ALK: variants seen among roughly 807,000 people sequenced by gnomAD.
ALK encodes ALK receptor tyrosine kinase, also known as ALK tyrosine kinase receptor.
In ALK, 74 loss-of-function variants were observed where a neutral mutation model predicts 163.1. The ratio of observed to expected loss-of-function variants is 0.45; its 90% confidence interval spans 0.38 to 0.55. The LOEUF (loss-of-function observed/expected upper bound fraction) is 0.55. ALK is among the 20% of genes least tolerant of loss of function. The pLI is 0.00. For synonymous variants in ALK, 960 were observed against 843.2 expected (o/e 1.14, Z -2.40); for missense variants, 2,063 against 2,105.3 (o/e 0.98, Z 0.39).
At chr2:29,917,784 C>G (rs1471658035) in intron 1 of ALK, among the ~76,000 whole-genome samples, 1 of 152,256 alleles carries the variant, frequency 6.6e-6, no homozygotes, top group Non-Finnish European at 1.5e-5. Flanking sequence ...TCCAGTTACA[C>G]TTAGTGTCTT....
intron 1 of ALK, among the ~76,000 whole-genome samples, chr2:29,900,735 C>A (rs186636642): frequency 3.3e-5 from 5 of 152,274 alleles, no homozygotes; most frequent in African/African-American, 1.2e-4. Context: ...AAGGACTTGA[C>A]GCTCTGCTGC....
intron 4 of ALK, among the ~76,000 whole-genome samples, chr2:29,419,984 C>A (rs1023753638): frequency 6.6e-5 from 10 of 150,984 alleles, no homozygotes; most frequent in African/African-American, 2.5e-4. Flanking sequence ...CATGGCAAAA[C>A]CCTGCCTATA....
chr2:29,918,291 C>T (rs1320930070), intron 1 of ALK, among the ~76,000 whole-genome samples: 1 of 152,146 alleles, frequency 6.6e-6, no homozygotes, highest in Non-Finnish European at 1.5e-5. Context: ...TCCACAGATG[C>T]TCAGAGGCAT....
chr2:29,608,334 T>A (rs1675597332), intron 3 of ALK, among the ~76,000 whole-genome samples: 1 of 152,216 alleles, frequency 6.6e-6, no homozygotes, highest in Non-Finnish European at 1.5e-5. Context: ...TTGGCTGCAA[T>A]TCCAGGGCCT....
chr2:29,649,253 C>CGTGT (rs141701874), intron 3 of ALK, among the ~76,000 whole-genome samples: 1 of 138,402 alleles, frequency 7.2e-6, no homozygotes, highest in Admixed American at 7.3e-5. Context: ...AAAGTGCGTG[C>CGTGT]GTGTGTGTGT....
At chr2:29,223,720 A>G (rs2148171736) in intron 19 of ALK, 192 bp from the exon 20 acceptor site, 2 of 613,102 alleles carry the variant, frequency 3.3e-6, no homozygotes, top group South Asian at 2.0e-5. Context: ...GATTTAAAGT[A>G]AATGCAAAGC....
intron 3 of ALK, among the ~76,000 whole-genome samples, chr2:29,585,875 A>G (rs1312179898): frequency 2.0e-5 from 3 of 152,138 alleles, no homozygotes; most frequent in Admixed American, 1.3e-4. Flanking sequence ...ATCCTAAGAT[A>G]CATATGTATC....
chr2:29,278,478 C>T (rs79690018), intron 9 of ALK, among the ~76,000 whole-genome samples: 6,612 of 152,246 alleles, frequency 0.043, 197 homozygotes, highest in Middle Eastern at 0.065. Context: ...TTTCTGCACA[C>T]ATCTCACACG....
intron 3 of ALK, among the ~76,000 whole-genome samples, chr2:29,676,457 A>T (rs539316477): frequency 2.7e-4 from 41 of 152,192 alleles, no homozygotes; most frequent in Middle Eastern, 6.8e-3. Context: ...CTTTGTCAAA[A>T]GTCAGTTGAT....
At chr2:29,196,424 A>G (rs1007520974) in intron 28 of ALK, among the ~76,000 whole-genome samples, 1 of 152,160 alleles carries the variant, frequency 6.6e-6, no homozygotes, top group Non-Finnish European at 1.5e-5. Context: ...GCTCTAAACT[A>G]TTTGAGAGCA....
intron 4 of ALK, among the ~76,000 whole-genome samples, chr2:29,466,998 G>T (rs557739307): frequency 6.6e-6 from 1 of 152,074 alleles, no homozygotes; most frequent in Admixed American, 6.5e-5. Context: ...GGGAACTGCC[G>T]CATCTCCAGT....
Position 29,193,835 on chromosome 2 carries a change from G to A in ALK, c.4252C>T (p.Pro1418Ser), listed in dbSNP as rs2148138906. 3 of 1,611,364 alleles carry A rather than the reference G, an allele frequency of 1.9e-6. No individual in the cohort carries two copies. The highest frequency in any genetic ancestry group is 2.5e-6 in the Non-Finnish European group (3 of 1,178,978). The change falls in exon 29 of 29, where the codon CCT becomes TCT. Residue 1418 changes from proline to serine, a missense_variant. Physicochemically the swap from Pro to Ser is moderately conservative, Grantham distance 74. Coordinates refer to ENST00000389048, the MANE Select transcript of ALK (RefSeq NM_004304.5). ...ACCAGGAGAGGAGGAACCCCCTCAG[G>A]GTCCTTGGGCCTCACAGGCACTTTC... ...EEKVPVRPKD[P>S]EGVPPLLVSQ...
At chr2:29,212,032 C>G (rs954233612) in intron 24 of ALK, among the ~76,000 whole-genome samples, 1 of 152,110 alleles carries the variant, frequency 6.6e-6, no homozygotes, top group Non-Finnish European at 1.5e-5. Flanking sequence ...AAGGAGATGT[C>G]AAAAGGTCAG....
At chr2:29,581,993 C>G (rs147043574) in intron 3 of ALK, among the ~76,000 whole-genome samples, 3 of 152,332 alleles carry the variant, frequency 2.0e-5, no homozygotes, top group African/African-American at 7.2e-5. Flanking sequence ...TCCACCCCTT[C>G]CTTGCGTGCA....
chr2:29,873,744 C>T (rs979596603), intron 1 of ALK, among the ~76,000 whole-genome samples: 1 of 151,992 alleles, frequency 6.6e-6, no homozygotes, highest in Non-Finnish European at 1.5e-5. Flanking sequence ...TGGAGCTGAA[C>T]TCACCCTTCC....
chr2:29,469,802 A>G (rs972055948), intron 4 of ALK, among the ~76,000 whole-genome samples: 1 of 152,206 alleles, frequency 6.6e-6, no homozygotes, highest in Non-Finnish European at 1.5e-5. Context: ...CTGCCTGCCA[A>G]AAGAAAATGA....
chr2:29,342,913 C>T (rs775058611), intron 5 of ALK, among the ~76,000 whole-genome samples: 7 of 123,826 alleles, frequency 5.7e-5, no homozygotes, highest in Non-Finnish European at 9.5e-5. Context: ...TATGGAGTCT[C>T]GCTCTGTTGC....
At chr2:29,603,178 G>T (rs1675426051) in intron 3 of ALK, among the ~76,000 whole-genome samples, 2 of 152,116 alleles carry the variant, frequency 1.3e-5, no homozygotes, top group South Asian at 4.2e-4. Flanking sequence ...CTCATAGGTG[G>T]CCACTCATAG....
chr2:29,640,994 G>A (rs1317486224), intron 3 of ALK, among the ~76,000 whole-genome samples: 1 of 152,178 alleles, frequency 6.6e-6, no homozygotes, highest in Non-Finnish European at 1.5e-5. Context: ...AGAAACTGGA[G>A]ATGTCGGGAC....
Sources: allele counts gnomAD v4.1 joint callset (sites outside exome capture counted in the v4.1 genomes callset), GRCh38; gene constraint gnomAD v4.1.1; transcripts MANE v1.5; gene names NCBI Gene and HGNC (gene_info 2026-07-23, HGNC 2026-07-21).